Variants in LRMDA observed in about 807,000 individuals in gnomAD.
The protein encoded by LRMDA is leucine-rich melanocyte differentiation-associated protein.
LRMDA carries 18 observed loss-of-function variants against 29.8 expected under a neutral mutation model. That is an observed-to-expected ratio of 0.60 (90% CI 0.42 to 0.90). LRMDA has a LOEUF of 0.90. Ranked by LOEUF, LRMDA falls within the 40% of genes least tolerant of loss-of-function variation. The pLI is 0.00. For missense variants in LRMDA, 273 were observed against 273.9 expected (o/e 1.00, Z 0.02); for synonymous variants, 125 against 109.4 (o/e 1.14, Z -0.89).
At chr10:76,317,385 CT>C (rs1487132415) in intron 5 of LRMDA, among the ~76,000 whole-genome samples, 1 of 152,088 alleles carries the variant, frequency 6.6e-6, no homozygotes, top group Middle Eastern at 3.2e-3. Context: ...TTTTTCCTCC[CT>C]TTTTTCATCT....
rs925897621 is a variant in LRMDA at position 75,431,721 on chromosome 10, C to A, written c.-4C>A. ...TCCCGCGCGCCCGCAGCGTCCTGGC[C>A]GCCATGGCCGGGCTCGTGGTGCGTG... is the stretch of plus-strand genomic sequence containing the variant. On this transcript the variant is annotated 5_prime_UTR_variant, in exon 1 of 7. Coordinates refer to ENST00000611255, the MANE Select transcript of LRMDA (RefSeq NM_001305581.2). The A allele has an allele frequency of 6.7e-6, 9 of 1,353,018 alleles. No homozygotes were observed. The highest frequency in any genetic ancestry group is 8.6e-6 in the Non-Finnish European group (9 of 1,049,850). 83.8% of individuals were successfully genotyped at this position (1,353,018 alleles called of 1,614,324 possible). A position where few individuals can be genotyped will look rare whatever the true frequency, so the allele number is the denominator to read the frequency against.
chr10:75,811,186 A>G (rs1039028383), intron 2 of LRMDA, among the ~76,000 whole-genome samples: 26 of 152,204 alleles, frequency 1.7e-4, no homozygotes, highest in Non-Finnish European at 4.4e-5. Context: ...AGAGGTCCCA[A>G]GGCCCCAAAG....
chr10:75,765,969 C>T (rs955518594), intron 2 of LRMDA, among the ~76,000 whole-genome samples: 10 of 152,098 alleles, frequency 6.6e-5, no homozygotes, highest in Middle Eastern at 3.2e-3. Context: ...GCTCAGAATC[C>T]GTTATGTGAG....
intron 2 of LRMDA, among the ~76,000 whole-genome samples, chr10:75,844,207 T>C (rs1844592815): frequency 6.6e-6 from 1 of 152,246 alleles, no homozygotes; most frequent in Non-Finnish European, 1.5e-5. Context: ...TTTTCTGTAG[T>C]GACAGCCAAA....
At chr10:75,789,469 G>A (rs1323652668) in intron 2 of LRMDA, among the ~76,000 whole-genome samples, 2 of 152,220 alleles carry the variant, frequency 1.3e-5, no homozygotes, top group African/African-American at 4.8e-5. Flanking sequence ...GATGTTTAAT[G>A]TTCAAACTGG....
intron 5 of LRMDA, among the ~76,000 whole-genome samples, chr10:76,067,517 G>A (rs1032821956): frequency 6.6e-6 from 1 of 152,114 alleles, no homozygotes; most frequent in Non-Finnish European, 1.5e-5. Flanking sequence ...GTAAAGTTAG[G>A]GTTCTGATTT....
intron 2 of LRMDA, among the ~76,000 whole-genome samples, chr10:75,483,733 C>G (rs1035543874): frequency 5.3e-5 from 8 of 152,116 alleles, no homozygotes; most frequent in Non-Finnish European, 1.0e-4. Context: ...TGTCTCTTCT[C>G]TAAAAGTTTT....
intron 5 of LRMDA, among the ~76,000 whole-genome samples, chr10:76,098,790 A>G (rs1180787779): frequency 2.0e-5 from 3 of 152,234 alleles, no homozygotes; most frequent in Admixed American, 6.5e-5. Flanking sequence ...TATTACTCCA[A>G]TCAGTCTCTC....
chr10:76,090,909 T>G (rs1849220482), intron 5 of LRMDA, among the ~76,000 whole-genome samples: 1 of 152,228 alleles, frequency 6.6e-6, no homozygotes, highest in South Asian at 2.1e-4. Flanking sequence ...GGAAGAGTTC[T>G]GGAGACTGTA....
intron 6 of LRMDA, among the ~76,000 whole-genome samples, chr10:76,411,418 C>T (rs1841960177): frequency 6.6e-6 from 1 of 152,182 alleles, no homozygotes; most frequent in Non-Finnish European, 1.5e-5. Context: ...AAAAATCCAA[C>T]ATAATTAGGA....
At chr10:75,872,105 T>G (rs1845121528) in intron 2 of LRMDA, among the ~76,000 whole-genome samples, 1 of 152,176 alleles carries the variant, frequency 6.6e-6, no homozygotes, top group African/African-American at 2.4e-5. Context: ...CTACTTTATG[T>G]TTTTTTACGT....
chr10:76,063,705 T>C (rs1848739683), intron 5 of LRMDA, among the ~76,000 whole-genome samples: 1 of 152,096 alleles, frequency 6.6e-6, no homozygotes, highest in East Asian at 1.9e-4. Flanking sequence ...AAACTGAAAA[T>C]TGGAAACTAT....
chr10:76,109,305 G>T (rs1849537742), intron 5 of LRMDA, among the ~76,000 whole-genome samples: 1 of 152,192 alleles, frequency 6.6e-6, no homozygotes, highest in South Asian at 2.1e-4. Flanking sequence ...GCTGGTAAAA[G>T]AAATGTTCAC....
At chr10:75,932,615 C>G (rs968362303) in intron 2 of LRMDA, among the ~76,000 whole-genome samples, 1 of 151,282 alleles carries the variant, frequency 6.6e-6, no homozygotes, top group Non-Finnish European at 1.5e-5. Flanking sequence ...CTATCTCAAA[C>G]AAAACAAACC....
intron 5 of LRMDA, among the ~76,000 whole-genome samples, chr10:76,224,062 C>T (rs372300023): frequency 6.6e-6 from 1 of 152,136 alleles, no homozygotes; most frequent in Admixed American, 6.5e-5. Flanking sequence ...GGCTGTGCCT[C>T]AGTAGGGCCC....
chr10:75,457,311 A>G (rs1225780491), intron 2 of LRMDA, among the ~76,000 whole-genome samples: 1 of 152,202 alleles, frequency 6.6e-6, no homozygotes, highest in Non-Finnish European at 1.5e-5. Flanking sequence ...CTGGCAAACT[A>G]GTATAGGTTG....
At chr10:75,651,585 C>T (rs1841600227) in intron 2 of LRMDA, among the ~76,000 whole-genome samples, 1 of 152,092 alleles carries the variant, frequency 6.6e-6, no homozygotes, top group Non-Finnish European at 1.5e-5. Flanking sequence ...CTTAGGCGTA[C>T]TAGGAGGAGA....
rs1054471523 is a variant in LRMDA, at chr10:76,501,071, A to G, written c.602-56138A>G. 9.5e-5 allele frequency among the ~76,000 whole-genome samples: 7 copies of G among 73,512 alleles called. 3 individuals carry two copies. Among genetic ancestry groups the G allele is most frequent in the African/African-American group, 2.3e-4 (7 of 30,238 alleles). 48.2% of individuals were successfully genotyped at this position (73,512 alleles called of 152,430 possible). On this transcript the variant is annotated intron_variant, in intron 6 of 6. Coordinates refer to ENST00000611255, the MANE Select transcript of LRMDA (RefSeq NM_001305581.2). Reference sequence around the variant, plus strand: ...GTCTCCAGTGTTGATCGTTGTTTCCATTTGTATGTCTATGTGTACTCAGTT... The same window carrying G: ...GTCTCCAGTGTTGATCGTTGTTTCCGTTTGTATGTCTATGTGTACTCAGTT...
At chr10:75,596,909 G>T (rs1840796070) in intron 2 of LRMDA, among the ~76,000 whole-genome samples, 1 of 151,886 alleles carries the variant, frequency 6.6e-6, no homozygotes, top group African/African-American at 2.4e-5. Context: ...AATTGGTGGG[G>T]CTTGAATAGT....
Sources: allele counts gnomAD v4.1 joint callset (sites outside exome capture counted in the v4.1 genomes callset), GRCh38; gene constraint gnomAD v4.1.1; transcripts MANE v1.5; gene names NCBI Gene and HGNC (gene_info 2026-07-23, HGNC 2026-07-21).